The following RFC3 variants were observed in gnomAD, a reference collection of about 807,000 sequenced individuals.
The protein encoded by RFC3 is A1 38 kDa subunit.
In RFC3, 41 loss-of-function variants were observed where a neutral mutation model predicts 45.1. That is an observed-to-expected ratio of 0.91 (90% CI 0.71 to 1.18). The LOEUF (loss-of-function observed/expected upper bound fraction) is 1.18, where lower values mean the gene tolerates loss of function less well. RFC3 is among the 50% of genes most tolerant of loss of function. The probability of loss-of-function intolerance (pLI) is 0.00; values close to 1 mark genes in which losing one functional copy is unlikely to be tolerated. For missense variants in RFC3, 423 were observed against 428.1 expected (o/e 0.99, Z 0.10); for synonymous variants, 149 against 144.0 (o/e 1.03, Z -0.25).
intron 8 of RFC3, among the ~76,000 whole-genome samples, chr13:33,946,650 T>C (rs1325451263): frequency 6.6e-6 from 1 of 152,218 alleles, no homozygotes; most frequent in Non-Finnish European, 1.5e-5. Flanking sequence ...ATTACCCTAA[T>C]AAACAAATCT....
At chr13:33,878,781 A>G (rs1216690529) in intron 8 of RFC3, among the ~76,000 whole-genome samples, 1 of 152,138 alleles carries the variant, frequency 6.6e-6, no homozygotes, top group African/African-American at 2.4e-5. Flanking sequence ...CCATGAGCTT[A>G]TCTGCTGCTT....
chr13:33,961,361 G>T lies in RFC3; in HGVS notation c.880-4726G>T, dbSNP rs180694109. ...CTTCTCTATGTTACCCTGGGCCTAT[G>T]TCTAGTAATTTATTTATACAAACCT... On this transcript the variant is annotated intron_variant, in intron 8 of 8. Transcript: ENST00000434425. Among the ~76,000 whole-genome samples, 215 of 152,208 alleles carry T rather than the reference G, an allele frequency of 1.4e-3. 2 individuals are homozygous for T. Among genetic ancestry groups the T allele is most frequent in the African/African-American group, 4.8e-3 (200 of 41,536 alleles).
chr13:33,830,831 T>A lies in RFC3; in HGVS notation c.686T>A (p.Met229Lys). The change falls in exon 6 of 9, where the codon ATG (methionine) becomes AAG (lysine). Residue 229 changes from methionine to lysine, a missense_variant. Transcript: ENST00000380071. ...AGAAATCTCAGAAAAGCCCTGCTTA[T>A]GTGTGAAGCCTGCAGAGTGCAACAG... is the stretch of plus-strand genomic sequence containing the variant. ...SCRNLRKALL[M>K]CEACRVQQYP... The A allele has an allele frequency of 6.2e-7, 1 of 1,613,808 alleles. No homozygotes were observed. The highest frequency in any genetic ancestry group is 8.5e-7 in the Non-Finnish European group (1 of 1,179,838).
At chr13:33,888,154 A>G (rs1459383848) in intron 8 of RFC3, among the ~76,000 whole-genome samples, 2 of 152,230 alleles carry the variant, frequency 1.3e-5, no homozygotes, top group East Asian at 3.9e-4. Flanking sequence ...AGTTTTTTCC[A>G]ATTCTGTGAA....
At chr13:33,823,053 G>T (rs931604294) in intron 2 of RFC3, among the ~76,000 whole-genome samples, 1 of 152,140 alleles carries the variant, frequency 6.6e-6, no homozygotes, top group Non-Finnish European at 1.5e-5. Flanking sequence ...TTAAACACAT[G>T]TAAGGATGTT....
chr13:33,975,447 C>T, the RFC3 span, among the ~76,000 whole-genome samples: 449 of 152,216 alleles, frequency 2.9e-3, 1 homozygote, highest in African/African-American at 0.011. Context: ...AAAACTATTC[C>T]ATATAATATT....
chr13:33,976,073 A>C, the RFC3 span, among the ~76,000 whole-genome samples: 1 of 152,244 alleles, frequency 6.6e-6, no homozygotes, highest in Non-Finnish European at 1.5e-5. Context: ...GCCAAAAAGT[A>C]GTTGAAAACC....
At chr13:33,843,631 C>G (rs2082216057) in intron 8 of RFC3, among the ~76,000 whole-genome samples, 1 of 152,162 alleles carries the variant, frequency 6.6e-6, no homozygotes, top group African/African-American at 2.4e-5. Flanking sequence ...TCTTCACAGG[C>G]ATTCTCTCAT....
In RFC3 at chr13:33,837,118, C is replaced by G; in HGVS notation, c.*823C>G. The G allele has an allele frequency of 1.2e-6, 1 of 868,520 alleles. No individual in the cohort carries two copies. The highest frequency in any genetic ancestry group is 5.3e-5 in the South Asian group (1 of 18,968). The allele number at this position is 868,520 out of a possible 1,614,324, so 53.8% of individuals were successfully genotyped here. ...AGTATAATTTATAAAATAAAATATA[C>G]CCATTTTAAGGGTACAGTTTGATTT... On this transcript the variant is annotated 3_prime_UTR_variant, in exon 9 of 9. Transcript: ENST00000380071.
intron 8 of RFC3, among the ~76,000 whole-genome samples, chr13:33,916,460 G>A (rs1472694350): frequency 6.6e-6 from 1 of 152,104 alleles, no homozygotes; most frequent in Non-Finnish European, 1.5e-5. Context: ...AAAGAGGACT[G>A]GATCACACAA....
intron 8 of RFC3, among the ~76,000 whole-genome samples, chr13:33,864,129 G>T (rs777888283): frequency 2.0e-5 from 3 of 152,040 alleles, no homozygotes; most frequent in Admixed American, 6.6e-5. Context: ...GTGAGAGAAC[G>T]AGGGAGGAGG....
At chr13:33,851,831 T>A (rs1397523055) in intron 8 of RFC3, among the ~76,000 whole-genome samples, 2 of 152,198 alleles carry the variant, frequency 1.3e-5, no homozygotes, top group African/African-American at 4.8e-5. Context: ...CTGGGAATAA[T>A]CTGGTCTACA....
intron 8 of RFC3, among the ~76,000 whole-genome samples, chr13:33,893,209 G>T (rs1416739610): frequency 1.3e-5 from 2 of 152,090 alleles, no homozygotes; most frequent in Non-Finnish European, 2.9e-5. Context: ...GGACCCCTGG[G>T]CATGAACCCT....
intron 8 of RFC3, among the ~76,000 whole-genome samples, chr13:33,923,063 G>T (rs974600424): frequency 1.3e-5 from 2 of 152,000 alleles, no homozygotes; most frequent in Non-Finnish European, 2.9e-5. Context: ...AGAGAAAGAG[G>T]TTGCTTTCGT....
At chr13:33,954,819 A>G in intron 8 of RFC3, among the ~76,000 whole-genome samples, 1 of 152,176 alleles carries the variant, frequency 6.6e-6, no homozygotes, top group African/African-American at 2.4e-5. Flanking sequence ...CAGAGACCTC[A>G]TCTCCAAATA....
intron 8 of RFC3, among the ~76,000 whole-genome samples, chr13:33,878,020 C>T (rs1334591423): frequency 2.6e-5 from 4 of 151,908 alleles, no homozygotes; most frequent in Non-Finnish European, 4.4e-5. Flanking sequence ...TCCATATCTA[C>T]AGCTATACCA....
chr13:33,951,433 G>T (rs568796132), intron 8 of RFC3, among the ~76,000 whole-genome samples: 1 of 151,958 alleles, frequency 6.6e-6, no homozygotes, highest in East Asian at 1.9e-4. Context: ...GGGTTTCACC[G>T]TGTGAGCCAG....
chr13:33,968,768 C>T (rs891431274), downstream of RFC3, among the ~76,000 whole-genome samples: 1 of 152,180 alleles, frequency 6.6e-6, no homozygotes. Context: ...GCAACCCTTT[C>T]AGAAAGAAGA....
At chr13:33,851,424 G>T (rs1039662434) in intron 8 of RFC3, among the ~76,000 whole-genome samples, 1 of 152,080 alleles carries the variant, frequency 6.6e-6, no homozygotes, top group Non-Finnish European at 1.5e-5. Flanking sequence ...CACGTATTTT[G>T]TATGTCGTGT....
Sources: allele counts gnomAD v4.1 joint callset (sites outside exome capture counted in the v4.1 genomes callset), GRCh38; gene constraint gnomAD v4.1.1; transcripts MANE v1.5; gene names NCBI Gene and HGNC (gene_info 2026-07-23, HGNC 2026-07-21).